HAUS6: variants seen among roughly 807,000 people sequenced by gnomAD.
The protein encoded by HAUS6 is HAUS augmin like complex subunit 6.
A neutral mutation model predicts 106.8 loss-of-function variants in HAUS6; 80 were observed. The ratio of observed to expected loss-of-function variants is 0.75; its 90% CI spans 0.63 to 0.90. The LOEUF is 0.90. HAUS6 is among the 40% of genes least tolerant of loss of function. HAUS6 has a pLI of 0.00. For missense variants in HAUS6, 1,155 were observed against 1,118.1 expected, an observed-to-expected ratio of 1.03 and a Z score of -0.47; for synonymous variants, 356 against 379.1, an observed-to-expected ratio of 0.94 and a Z score of 0.71.
At chr9:19,069,675 G>A (rs1481774955) in intron 12 of HAUS6, among the ~76,000 whole-genome samples, 2 of 151,782 alleles carry the variant, frequency 1.3e-5, no homozygotes, top group Non-Finnish European at 2.9e-5. Context: ...CTCCAGCCTA[G>A]GAAACAAGAG....
chr9:19,060,317 C>T lies in HAUS6; in HGVS notation c.1630-94G>A, dbSNP rs1226565007. ...ATAAGGATAATAAGCACTTCACAGT[C>T]AGCAGCCCCTCCCATTGCAGACAAC... is the stretch of plus-strand genomic sequence containing the variant. On this transcript the variant is annotated intron_variant, in intron 14 of 16. Transcript: ENST00000380502. 1.8e-5 allele frequency: 17 copies of T among 949,728 alleles called. No homozygotes were observed. The East Asian group carries it at 4.4e-4, about 24-fold the overall frequency. 58.8% of individuals were successfully genotyped at this position (949,728 alleles called of 1,614,324 possible). A position where few individuals can be genotyped will look rare whatever the true frequency, so the allele number is the denominator to read the frequency against.
At chr9:19,097,861 G>T (rs538293650) in intron 1 of HAUS6, among the ~76,000 whole-genome samples, 1 of 151,802 alleles carries the variant, frequency 6.6e-6, no homozygotes, top group South Asian at 2.1e-4. Flanking sequence ...AACTTAAACG[G>T]CAAAGCATGA....
chr9:19,087,782 G>A (rs923055368), intron 5 of HAUS6, among the ~76,000 whole-genome samples: 3 of 142,340 alleles, frequency 2.1e-5, no homozygotes, highest in Non-Finnish European at 4.5e-5. Context: ...GGTCAAGGCT[G>A]CCGTGAGTCA....
intron 11 of HAUS6, among the ~76,000 whole-genome samples, chr9:19,073,642 CAAAA>C (rs1169227581): frequency 1.2e-5 from 1 of 82,648 alleles, no homozygotes; most frequent in African/African-American, 4.8e-5. Context: ...AGTGGATCTC[CAAAA>C]AAAAAAAAAA....
intron 11 of HAUS6, chr9:19,074,074 C>T (rs1836936430): frequency 6.6e-6 from 1 of 152,096 alleles, no homozygotes; most frequent in African/African-American, 2.4e-5. Flanking sequence ...CGGTGAAACC[C>T]TGTCTCTACT....
chr9:19,065,869 T>C (rs1836751110), intron 12 of HAUS6, among the ~76,000 whole-genome samples: 1 of 152,072 alleles, frequency 6.6e-6, no homozygotes, highest in African/African-American at 2.4e-5. Context: ...TAAAATTTTG[T>C]ACTTTAGAAT....
At chr9:19,099,818 C>T (rs1449765376) in intron 1 of HAUS6, among the ~76,000 whole-genome samples, 9 of 151,826 alleles carry the variant, frequency 5.9e-5, no homozygotes, top group Admixed American at 3.9e-4. Context: ...GGGAGGCTGA[C>T]GCGGGAGGAT....
At chr9:19,097,081 T>C (rs1435394065) in intron 1 of HAUS6, among the ~76,000 whole-genome samples, 2 of 152,160 alleles carry the variant, frequency 1.3e-5, no homozygotes, top group East Asian at 3.8e-4. Context: ...AACCTACATT[T>C]ACTGAATAAC....
intron 9 of HAUS6, among the ~76,000 whole-genome samples, chr9:19,079,789 G>C (rs1054593705): frequency 4.6e-5 from 7 of 151,400 alleles, no homozygotes; most frequent in Admixed American, 4.0e-4. Flanking sequence ...TGTAATCTCA[G>C]CTACTCGGGA....
chr9:19,060,144 A>G lies in HAUS6; in HGVS notation c.1709T>C (p.Leu570Pro). 1 of 1,605,472 alleles carries G rather than the reference A, an allele frequency of 6.2e-7. No individual in the cohort carries two copies. The highest frequency in any genetic ancestry group is 8.5e-7 in the Non-Finnish European group (1 of 1,174,508). ...CCTTGTTAAGAAGGGGTTAGAACCC[A>G]GAGAGTCAATTAGTTCCTCTAATTT... ...EIKLEELIDS[L>P]GSNPFLTRNQ... The change falls in exon 15 of 17, where the codon CTG (leucine) becomes CCG (proline). Residue 570 changes from leucine (L) to proline (P), a missense_variant. Physicochemically the swap from Leu to Pro is moderately conservative, Grantham distance 98 (BLOSUM62 -3). This residue lies in a region of HAUS6 where 761 missense variants were observed against 690.0 expected (regional missense o/e 1.10). Transcript: ENST00000380502.
At chr9:19,093,868 CA>C (rs973751330) in intron 3 of HAUS6, among the ~76,000 whole-genome samples, 2 of 151,124 alleles carry the variant, frequency 1.3e-5, no homozygotes, top group African/African-American at 4.8e-5. Flanking sequence ...GACTCTGTCT[CA>C]AAAAAAAGTA....
chr9:19,076,616 G>A lies in HAUS6; in HGVS notation c.1280C>T (p.Pro427Leu). ...AAATAACCAACCTGGAAGTGAAGCA[G>A]GATACTGACAAAGAATACTCTTTGC... ...VYAKSILCQY[P>L]ASLPDAHKQH... The change falls in exon 11 of 17, where the codon CCT (proline) becomes CTT (leucine). Residue 427 changes from proline to leucine, a missense_variant. By Grantham distance (98) the Pro-to-Leu change is moderately conservative. This residue lies in a region of HAUS6 where 761 missense variants were observed against 690.0 expected (regional missense o/e 1.10). Transcript: ENST00000380502. 2 of 1,544,414 alleles carry A rather than the reference G, an allele frequency of 1.3e-6. No homozygotes were observed. Among genetic ancestry groups the A allele is most frequent in the African/African-American group, 1.4e-5 (1 of 73,720 alleles).
At chr9:19,065,310 C>T (rs939385399) in intron 12 of HAUS6, among the ~76,000 whole-genome samples, 20 of 152,146 alleles carry the variant, frequency 1.3e-4, no homozygotes, top group African/African-American at 4.6e-4. Context: ...GAAATCCTAG[C>T]ACTGTAACAA....
intron 1 of HAUS6, among the ~76,000 whole-genome samples, chr9:19,099,323 C>T (rs773517108): frequency 2.0e-5 from 3 of 152,054 alleles, no homozygotes; most frequent in African/African-American, 4.8e-5. Context: ...CCCGCCAACA[C>T]GCCCGGCTAA....
At chr9:19,066,273 A>G (rs1836759117) in intron 12 of HAUS6, among the ~76,000 whole-genome samples, 1 of 152,106 alleles carries the variant, frequency 6.6e-6, no homozygotes. Flanking sequence ...CAAAGCCTAG[A>G]TAAGAACTTG....
intron 11 of HAUS6, among the ~76,000 whole-genome samples, chr9:19,072,934 G>C: frequency 6.6e-6 from 1 of 151,858 alleles, no homozygotes; most frequent in East Asian, 1.9e-4. Context: ...ACCCTCCCTG[G>C]ATCCTTGTTT....
chr9:19,094,651 G>A (rs1407499186), intron 2 of HAUS6, among the ~76,000 whole-genome samples: 1 of 152,006 alleles, frequency 6.6e-6, no homozygotes, highest in African/African-American at 2.4e-5. Flanking sequence ...AATTAACTAG[G>A]CATAGTGGTG....
chr9:19,078,360 A>T (rs192705186), intron 9 of HAUS6, 58 bp from the exon 10 acceptor site: 3 of 970,822 alleles, frequency 3.1e-6, no homozygotes, highest in Admixed American at 2.2e-5. Flanking sequence ...CACTGAGTAA[A>T]ATTTAAGAAA....
chr9:19,073,200 G>C (rs1187696102), intron 11 of HAUS6, among the ~76,000 whole-genome samples: 1 of 152,078 alleles, frequency 6.6e-6, no homozygotes, highest in East Asian at 1.9e-4. Context: ...AAAACCTAAA[G>C]TGAATATTGC....
Sources: allele counts gnomAD v4.1 joint callset (sites outside exome capture counted in the v4.1 genomes callset), GRCh38; gene constraint gnomAD v4.1.1; regional missense constraint gnomAD v4.1.1; transcripts MANE v1.5; gene names NCBI Gene and HGNC (gene_info 2026-07-23, HGNC 2026-07-21).